The following CHN2 variants were observed in gnomAD, a reference collection of about 807,000 sequenced individuals.
CHN2 encodes the protein chimerin 2.
Under a neutral mutation model 56.3 loss-of-function variants are expected in CHN2, and 35 were observed. The observed-to-expected ratio is 0.62, with a 90% CI of 0.47 to 0.82. CHN2 has a LOEUF of 0.82. CHN2 is among the 40% of genes least tolerant of loss of function. The pLI is 0.00. For synonymous variants in CHN2, 210 were observed against 212.8 expected (o/e 0.99, Z 0.12); for missense variants, 491 against 580.5 (o/e 0.85, Z 1.58).
intron 1 of CHN2, among the ~76,000 whole-genome samples, chr7:29,203,030 C>T (rs1322745434): frequency 2.0e-5 from 3 of 152,094 alleles, no homozygotes; most frequent in African/African-American, 4.8e-5. Flanking sequence ...GTTACTGAGC[C>T]GTTGAAACAT....
intron 1 of CHN2, among the ~76,000 whole-genome samples, chr7:29,253,927 C>T (rs768145595): frequency 2.6e-4 from 40 of 151,916 alleles, no homozygotes; most frequent in South Asian, 6.2e-4. Flanking sequence ...CTTTTCGAGA[C>T]GGAGTCTTGC....
intron 2 of CHN2, among the ~76,000 whole-genome samples, chr7:29,366,258 T>G (rs1799148846): frequency 6.6e-6 from 1 of 151,682 alleles, no homozygotes; most frequent in South Asian, 2.1e-4. Flanking sequence ...AAATGAAGCG[T>G]TAGGGGTGGA....
At chr7:29,354,793 C>A in intron 2 of CHN2, 130 bp downstream of exon 2, 2 of 772,588 alleles carry the variant, frequency 2.6e-6, no homozygotes, top group East Asian at 2.6e-5. Context: ...TCTTTCTTTC[C>A]ACTGAGGAAA....
At chr7:29,377,835 C>T (rs529180494) in intron 3 of CHN2, among the ~76,000 whole-genome samples, 3 of 152,354 alleles carry the variant, frequency 2.0e-5, no homozygotes, top group East Asian at 3.9e-4. Context: ...TCTGCTTCAA[C>T]GATAGTATCT....
At chr7:29,205,680 G>T (rs113047667) in intron 1 of CHN2, among the ~76,000 whole-genome samples, 3 of 151,950 alleles carry the variant, frequency 2.0e-5, no homozygotes, top group Non-Finnish European at 4.4e-5. Flanking sequence ...GAGTGTAATC[G>T]TGCCAACTTA....
intron 1 of CHN2, among the ~76,000 whole-genome samples, chr7:29,242,876 C>A (rs963360523): frequency 4.1e-5 from 6 of 145,290 alleles, no homozygotes; most frequent in African/African-American, 1.5e-4. Flanking sequence ...CTTTTTATTT[C>A]ATGACAACTT....
At chr7:29,201,768 A>G (rs1784182003) in intron 1 of CHN2, among the ~76,000 whole-genome samples, 1 of 152,214 alleles carries the variant, frequency 6.6e-6, no homozygotes, top group Admixed American at 6.5e-5. Flanking sequence ...GAAATTCTCT[A>G]AGACAGAGAC....
At chr7:29,269,204 C>G (rs985216141) in intron 1 of CHN2, among the ~76,000 whole-genome samples, 1 of 152,152 alleles carries the variant, frequency 6.6e-6, no homozygotes, top group Non-Finnish European at 1.5e-5. Flanking sequence ...TTCCCCTCTC[C>G]CCACTACTCT....
chr7:29,510,523 G>A (rs556351159), intron 12 of CHN2, among the ~76,000 whole-genome samples: 2 of 152,210 alleles, frequency 1.3e-5, no homozygotes, highest in South Asian at 4.1e-4. Context: ...GCAGGATTCA[G>A]TTCCTTAAAG....
intron 1 of CHN2, among the ~76,000 whole-genome samples, chr7:29,305,061 A>T (rs994511220): frequency 6.6e-6 from 1 of 152,084 alleles, no homozygotes; most frequent in Non-Finnish European, 1.5e-5. Flanking sequence ...CTTGGAGGGG[A>T]AAGGGACACT....
intron 3 of CHN2, among the ~76,000 whole-genome samples, chr7:29,380,077 C>T (rs1345300119): frequency 2.0e-5 from 3 of 152,180 alleles, no homozygotes; most frequent in Admixed American, 2.0e-4. Flanking sequence ...TCTGAATCTG[C>T]TGCTATCCCT....
chr7:29,362,076 C>T (rs960204019), intron 2 of CHN2, among the ~76,000 whole-genome samples: 7 of 152,146 alleles, frequency 4.6e-5, no homozygotes, highest in African/African-American at 1.7e-4. Context: ...GGCCCCTGGC[C>T]GGACTGGGAG....
chr7:29,422,278 G>A (rs1171437484), intron 6 of CHN2, among the ~76,000 whole-genome samples: 2 of 152,180 alleles, frequency 1.3e-5, no homozygotes, highest in Admixed American at 6.6e-5. Flanking sequence ...TGAGCTTTAA[G>A]CAGCCCTTTG....
chr7:29,358,366 C>T (rs1290472176), intron 2 of CHN2, among the ~76,000 whole-genome samples: 1 of 151,864 alleles, frequency 6.6e-6, no homozygotes, highest in African/African-American at 2.4e-5. Flanking sequence ...CCATTGCACT[C>T]CAGACTGTGC....
At chr7:29,332,593 G>A (rs914015476) in intron 1 of CHN2, among the ~76,000 whole-genome samples, 2 of 148,906 alleles carry the variant, frequency 1.3e-5, no homozygotes. Flanking sequence ...AGGGTAAACA[G>A]CCCATCCTCC....
rs186586860 is a variant in CHN2, at chr7:29,479,811, A to T, written c.577-468A>T. The stretch of plus-strand genomic sequence containing the variant: ...AGGCTGCCGGCCCCTGCCTCCCTGA[A>T]TCCTCAGTGGCTGACTGGATACCGC... On this transcript the variant is annotated intron_variant, in intron 6 of 12. Transcript: ENST00000222792. 4,488 of 1,248,030 alleles carry T rather than the reference A, an allele frequency of 3.6e-3. 10 individuals are homozygous for T. The highest frequency in any genetic ancestry group is 4.3e-3 in the Non-Finnish European group (4,239 of 985,716). The allele number at this position is 1,248,030 out of a possible 1,614,324, so 77.3% of individuals were successfully genotyped here. A position where few individuals can be genotyped will look rare whatever the true frequency, so the allele number is the denominator to read the frequency against.
chr7:29,407,049 C>T (rs570369128), intron 6 of CHN2, among the ~76,000 whole-genome samples: 18 of 152,202 alleles, frequency 1.2e-4, no homozygotes, highest in Non-Finnish European at 2.2e-4. Context: ...TCTCTCAGCA[C>T]GTGCTCCTTC....
intron 1 of CHN2, among the ~76,000 whole-genome samples, chr7:29,273,789 GTGGT>G (rs1790951149): frequency 6.6e-6 from 1 of 151,672 alleles, no homozygotes; most frequent in South Asian, 2.1e-4. Context: ...TTAATGGGAG[GTGGT>G]TGGATTTCAT....
intron 1 of CHN2, among the ~76,000 whole-genome samples, chr7:29,310,827 C>T (rs144015556): frequency 1.1e-3 from 169 of 152,276 alleles, no homozygotes; most frequent in Non-Finnish European, 1.9e-3. Context: ...ACCCTCATGA[C>T]CTAATCATCT....
Sources: allele counts gnomAD v4.1 joint callset (sites outside exome capture counted in the v4.1 genomes callset), GRCh38; gene constraint gnomAD v4.1.1; transcripts MANE v1.5; gene names NCBI Gene and HGNC (gene_info 2026-07-23, HGNC 2026-07-21).